NSMAF: variants seen among roughly 807,000 people sequenced by gnomAD.
NSMAF encodes the protein protein FAN.
In NSMAF, 90 loss-of-function variants were observed where a neutral mutation model predicts 134.9. That is an observed-to-expected ratio of 0.67 (90% CI 0.56 to 0.79). NSMAF has a LOEUF of 0.79. NSMAF is among the 30% of genes least tolerant of loss of function. The pLI, the probability that NSMAF is intolerant of heterozygous loss-of-function variation, is 0.00. For synonymous variants in NSMAF, 358 were observed against 389.6 expected (o/e 0.92, Z 0.96); for missense variants, 1,010 against 1,119.0 (o/e 0.90, Z 1.39).
chr8:58,609,629 T>C lies in NSMAF; in HGVS notation c.662A>G (p.Tyr221Cys). 3.1e-6 allele frequency: 5 copies of C among 1,614,144 alleles called. No homozygotes were observed. Among genetic ancestry groups the C allele is most frequent in the Non-Finnish European group, 4.2e-6 (5 of 1,180,014 alleles). Reference sequence around the variant, plus strand: ...CGGGTAGCCGTTGAGGGGCTGAAAATACAGGTTTGTGTCCGTGATGCACAC... The same window carrying C: ...CGGGTAGCCGTTGAGGGGCTGAAAACACAGGTTTGTGTCCGTGATGCACAC... ...GHVCITDTNL[Y>C]FQPLNGYPKP... The change falls in exon 10 of 31, where the codon TAT (tyrosine) becomes TGT (cysteine). Residue 221 changes from tyrosine to cysteine, a missense_variant. By Grantham distance (194) the Tyr-to-Cys change is radical. Transcript: ENST00000038176.
intron 24 of NSMAF, among the ~76,000 whole-genome samples, chr8:58,590,475 T>C (rs571295866): frequency 6.6e-6 from 1 of 152,334 alleles, no homozygotes; most frequent in South Asian, 2.1e-4. Context: ...TCCAGATCTT[T>C]TGCATGATTT....
chr8:58,658,377 C>T (rs763657803), intron 1 of NSMAF, among the ~76,000 whole-genome samples: 4 of 152,198 alleles, frequency 2.6e-5, no homozygotes, highest in African/African-American at 4.8e-5. Flanking sequence ...ATCTGAGATA[C>T]GTTTTCTGTG....
chr8:58,597,308 C>CTT (rs1806158677), intron 21 of NSMAF, 79 bp downstream of exon 21: 1 of 1,290,262 alleles, frequency 7.8e-7, no homozygotes, highest in South Asian at 1.3e-5. Context: ...CAGTATACGT[C>CTT]TTATCTCCTC....
At chr8:58,659,438 C>T in intron 1 of NSMAF, 135 bp downstream of exon 1, 4 of 1,498,706 alleles carry the variant, frequency 2.7e-6, no homozygotes, top group Non-Finnish European at 3.5e-6. Flanking sequence ...CAGCCCAGGC[C>T]CTGGACACGC....
chr8:58,626,091 C>CGTTTTT (rs1563537415), intron 6 of NSMAF, among the ~76,000 whole-genome samples: 3 of 99,390 alleles, frequency 3.0e-5, no homozygotes, highest in South Asian at 3.7e-4. Flanking sequence ...TTATATAATT[C>CGTTTTT]TTTTTTTTTT....
chr8:58,591,007 C>T lies in NSMAF; in HGVS notation c.1952-73G>A. On this transcript the variant is annotated intron_variant, in intron 23 of 30. Coordinates refer to ENST00000038176, the MANE Select transcript of NSMAF (RefSeq NM_003580.4). ...TTACAGACGTCAAAGAACAGCTGCTCTTCTTGTTCCTGGTGGCCAACAGTA... is the reference window on the plus strand; with the variant it reads ...TTACAGACGTCAAAGAACAGCTGCTTTTCTTGTTCCTGGTGGCCAACAGTA... The T allele has an allele frequency of 4.1e-6, 6 of 1,473,226 alleles. No individual in the cohort carries two copies. The South Asian group carries it at 7.3e-5, about 18-fold the overall frequency. 91.3% of individuals were successfully genotyped at this position (1,473,226 alleles called of 1,614,324 possible).
At chr8:58,595,778 A>C (rs1312920585) in intron 21 of NSMAF, 119 bp from the exon 22 acceptor site, 1 of 665,460 alleles carries the variant, frequency 1.5e-6, no homozygotes, top group East Asian at 2.8e-5. Flanking sequence ...CCCTGTCACA[A>C]TATAACTGCT....
chr8:58,600,621 C>CAAAAA (rs35209612), intron 16 of NSMAF, among the ~76,000 whole-genome samples: 581 of 44,646 alleles, frequency 0.013, 87 homozygotes, highest in African/African-American at 0.046. Context: ...GACTCTGTCT[C>CAAAAA]AAAAAAAAAA....
At chr8:58,595,387 C>G (rs1328915422) in intron 22 of NSMAF, among the ~76,000 whole-genome samples, 173 bp downstream of exon 22, 1 of 152,182 alleles carries the variant, frequency 6.6e-6, no homozygotes, top group African/African-American at 2.4e-5. Context: ...TTCCCTACTA[C>G]ATCAACCTCA....
Position 58,597,920 on chromosome 8 carries a change from A to G in NSMAF, c.1586-18T>C. ...ATGAAATACTGAAAAAGACATACAA[A>G]ACACTATTGAAAGATGTGCTATTTC... On this transcript the variant is annotated intron_variant, in intron 19 of 30. Coordinates refer to ENST00000038176, the MANE Select transcript of NSMAF (RefSeq NM_003580.4). 1 of 1,582,980 alleles carries G rather than the reference A, an allele frequency of 6.3e-7. No individual in the cohort carries two copies. Among genetic ancestry groups the G allele is most frequent in the Non-Finnish European group, 8.7e-7 (1 of 1,152,042 alleles).
At chr8:58,615,480 G>A (rs1806635843) in intron 9 of NSMAF, among the ~76,000 whole-genome samples, 1 of 152,002 alleles carries the variant, frequency 6.6e-6, no homozygotes, top group Admixed American at 6.6e-5. Context: ...AAATCACATA[G>A]AACATATTCT....
intron 1 of NSMAF, among the ~76,000 whole-genome samples, chr8:58,648,335 A>T (rs188204383): frequency 1.3e-5 from 2 of 152,354 alleles, no homozygotes; most frequent in East Asian, 3.9e-4. Context: ...TGGAACTTAC[A>T]CTTAAAAGGA....
At chr8:58,652,301 G>GGC (rs1278480950) in intron 1 of NSMAF, among the ~76,000 whole-genome samples, 3 of 152,158 alleles carry the variant, frequency 2.0e-5, no homozygotes, top group Admixed American at 6.5e-5. Context: ...AGAAGAGAAG[G>GGC]TGGCCTCCTG....
intron 9 of NSMAF, among the ~76,000 whole-genome samples, chr8:58,614,702 G>A (rs746098288): frequency 1.4e-4 from 22 of 152,132 alleles, no homozygotes; most frequent in South Asian, 4.1e-4. Flanking sequence ...TCATTTGGAC[G>A]CTGAGTCAGC....
intron 9 of NSMAF, among the ~76,000 whole-genome samples, chr8:58,614,648 G>T (rs1280818148): frequency 6.6e-6 from 1 of 152,214 alleles, no homozygotes; most frequent in African/African-American, 2.4e-5. Flanking sequence ...CCCCTTTGGA[G>T]AAGTGTGTAT....
At chr8:58,603,180 C>G (rs1554574031) in intron 13 of NSMAF, 30 bp downstream of exon 13, 1 of 1,606,838 alleles carries the variant, frequency 6.2e-7, no homozygotes, top group Non-Finnish European at 8.5e-7. Flanking sequence ...CCCCACTCAA[C>G]TTGGTCAGAA....
In NSMAF at chr8:58,595,623, T is replaced by G. The variant is rs942186995; in HGVS notation, c.1829A>C (p.Lys610Thr). Residue 610 changes from lysine to threonine, a missense_variant, in exon 22 of 31, where the codon AAA (lysine) becomes ACA (threonine). Physicochemically the swap from Lys to Thr is moderately conservative, Grantham distance 78. Transcript: ENST00000038176. Reference protein sequence around the residue: ...ESFEDLTEESKTLAWNNITKL... With the variant: ...ESFEDLTEESTTLAWNNITKL... ...GGTGATGTTATTCCAGGCCAGTGTTTTGCTTTCTTCGGTCAGGTCTTCAAA... is the reference window on the plus strand; with the variant it reads ...GGTGATGTTATTCCAGGCCAGTGTTGTGCTTTCTTCGGTCAGGTCTTCAAA... 8.1e-6 allele frequency: 13 copies of G among 1,614,014 alleles called. No homozygotes were observed. Among genetic ancestry groups the G allele is most frequent in the Non-Finnish European group, 1.0e-5 (12 of 1,179,996 alleles).
intron 1 of NSMAF, among the ~76,000 whole-genome samples, chr8:58,649,220 G>A (rs1454968751): frequency 6.6e-6 from 1 of 152,224 alleles, no homozygotes. Flanking sequence ...GCCCTACTGG[G>A]TTTCAGACTT....
intron 22 of NSMAF, chr8:58,594,982 G>A (rs1466520856): frequency 6.5e-6 from 1 of 154,930 alleles, no homozygotes; most frequent in African/African-American, 2.4e-5. Context: ...CTCTGTAGCA[G>A]GATGAACAGG....
Sources: allele counts gnomAD v4.1 joint callset (sites outside exome capture counted in the v4.1 genomes callset), GRCh38; gene constraint gnomAD v4.1.1; transcripts MANE v1.5; gene names NCBI Gene and HGNC (gene_info 2026-07-23, HGNC 2026-07-21).